The following TRIM37 variants were observed in gnomAD, a reference collection of about 807,000 sequenced individuals.
TRIM37 encodes the protein tripartite motif containing 37.
TRIM37 carries 80 observed loss-of-function variants against 129.8 expected under a neutral mutation model. The ratio of observed to expected loss-of-function variants is 0.62; its 90% CI spans 0.51 to 0.74. TRIM37 has a LOEUF of 0.74. Among genes scored for constraint, TRIM37 ranks in the 30% least tolerant of loss-of-function variants. The probability of loss-of-function intolerance (pLI) is 0.00; values close to 1 mark genes in which losing one functional copy is unlikely to be tolerated. For synonymous variants in TRIM37, 389 were observed against 387.1 expected (o/e 1.00, Z -0.06); for missense variants, 1,054 against 1,176.5 (o/e 0.90, Z 1.52).
the TRIM37 span, among the ~76,000 whole-genome samples, chr17:58,971,356 G>A: frequency 6.6e-6 from 1 of 152,108 alleles, no homozygotes; most frequent in Non-Finnish European, 1.5e-5. Context: ...TGACGCATTG[G>A]TTCTAATTTA....
intron 8 of TRIM37, among the ~76,000 whole-genome samples, chr17:59,073,747 A>T (rs2042581443): frequency 6.6e-6 from 1 of 152,168 alleles, no homozygotes; most frequent in Non-Finnish European, 1.5e-5. Context: ...CTACAGGTGT[A>T]CACCCCATCT....
At chr17:59,062,496 A>G in intron 11 of TRIM37, 71 bp downstream of exon 11, 1 of 1,247,324 alleles carries the variant, frequency 8.0e-7, no homozygotes, top group Non-Finnish European at 1.2e-6. Flanking sequence ...TCAGTAATCA[A>G]ATTAGTATAC....
intron 2 of TRIM37, among the ~76,000 whole-genome samples, chr17:59,096,172 A>T (rs1485127830): frequency 1.3e-5 from 2 of 152,216 alleles, no homozygotes; most frequent in African/African-American, 4.8e-5. Flanking sequence ...TGTATATATT[A>T]ATTATCTAGC....
chr17:59,096,370 G>T (rs1372724649), intron 2 of TRIM37, among the ~76,000 whole-genome samples: 2 of 151,786 alleles, frequency 1.3e-5, no homozygotes, highest in Non-Finnish European at 2.9e-5. Context: ...TGGCCAACAT[G>T]GTGAAACCCC....
intron 22 of TRIM37, among the ~76,000 whole-genome samples, chr17:59,002,266 C>T (rs2033877922): frequency 6.6e-6 from 1 of 152,176 alleles, no homozygotes. Context: ...CAGGGTCTCG[C>T]TCTGTCACCC....
At chr17:59,074,754 C>CA in intron 8 of TRIM37, among the ~76,000 whole-genome samples, 1 of 152,246 alleles carries the variant, frequency 6.6e-6, no homozygotes, top group East Asian at 1.9e-4. Flanking sequence ...AGAGAAATTA[C>CA]AAAAAGCAAA....
intron 16 of TRIM37, among the ~76,000 whole-genome samples, chr17:59,042,766 GAGGACAGGAC>G (rs967645854): frequency 6.6e-6 from 1 of 151,452 alleles, no homozygotes; most frequent in South Asian, 2.1e-4. Flanking sequence ...CTGTCTCAAG[GAGGACAGGAC>G]AGGACAGGAA....
At chr17:59,086,568 T>C (rs1460165750) in intron 4 of TRIM37, among the ~76,000 whole-genome samples, 3 of 152,194 alleles carry the variant, frequency 2.0e-5, no homozygotes, top group East Asian at 3.8e-4. Flanking sequence ...AAGCATTTCA[T>C]TGATGAAGGA....
rs547070820 is a variant in TRIM37 at position 59,104,902 on chromosome 17, G to A, written c.22-508C>T. Among the ~76,000 whole-genome samples the A allele has an allele frequency of 3.9e-5, 6 of 152,120 alleles. No individual in the cohort carries two copies. The East Asian group carries it at 1.2e-3, about 29-fold the overall frequency. On this transcript the variant is annotated intron_variant, in intron 1 of 23. Transcript: ENST00000262294. ...AGGTCGGGAGTTCGAGACCAACCTGGCCAAAATGGTTAAACCCCGTCTCTA... is the reference window on the plus strand; with the variant it reads ...AGGTCGGGAGTTCGAGACCAACCTGACCAAAATGGTTAAACCCCGTCTCTA...
At chr17:59,000,771 A>AC (rs1462502595) in intron 23 of TRIM37, among the ~76,000 whole-genome samples, 1 of 152,212 alleles carries the variant, frequency 6.6e-6, no homozygotes, top group Non-Finnish European at 1.5e-5. Context: ...TTAAAAGGTT[A>AC]AAGTTATCTT....
At chr17:59,092,756 C>T (rs1021442697) in intron 2 of TRIM37, among the ~76,000 whole-genome samples, 34 of 152,112 alleles carry the variant, frequency 2.2e-4, no homozygotes, top group African/African-American at 6.3e-4. Context: ...TGAGCTTTAA[C>T]TTGATGCCAA....
chr17:59,062,173 T>C (rs914110133), intron 11 of TRIM37, among the ~76,000 whole-genome samples: 1 of 152,136 alleles, frequency 6.6e-6, no homozygotes, highest in Admixed American at 6.5e-5. Flanking sequence ...TCACCAAACA[T>C]CTTTAAAGGT....
Position 59,106,724 on chromosome 17 carries a change from G to C in TRIM37, c.-263C>G. On this transcript the variant is annotated 5_prime_UTR_variant, in exon 1 of 24. Transcript: ENST00000262294. ...GCCGCAGCTCCTTTCTCCCGGCTCAGCCGCCGGCCAGCAGCCGCGCCGGAA... is the reference window on the plus strand; with the variant it reads ...GCCGCAGCTCCTTTCTCCCGGCTCACCCGCCGGCCAGCAGCCGCGCCGGAA... 1.7e-6 allele frequency: 1 copy of C among 575,334 alleles called. No homozygotes were observed. The highest frequency in any genetic ancestry group is 2.1e-5 in the South Asian group (1 of 47,794). The allele number at this position is 575,334 out of a possible 1,614,324, so 35.6% of individuals were successfully genotyped here. A position where few individuals can be genotyped will look rare whatever the true frequency, so the allele number is the denominator to read the frequency against.
chr17:59,078,777 C>T (rs2043027382), intron 7 of TRIM37, among the ~76,000 whole-genome samples: 2 of 152,110 alleles, frequency 1.3e-5, no homozygotes, highest in African/African-American at 4.8e-5. Context: ...TGTCTAATTG[C>T]TCCACTGGGT....
At chr17:59,088,554 C>G (rs2043984059) in intron 3 of TRIM37, 147 bp from the exon 4 acceptor site, 1 of 661,716 alleles carries the variant, frequency 1.5e-6, no homozygotes, top group South Asian at 1.8e-5. Context: ...ACTCTATGAC[C>G]CAGGGTGGAA....
At chr17:59,036,572 T>G (rs2038536084) in intron 17 of TRIM37, among the ~76,000 whole-genome samples, 2 of 151,768 alleles carry the variant, frequency 1.3e-5, no homozygotes, top group Non-Finnish European at 2.9e-5. Flanking sequence ...ACCCTCGAAC[T>G]CCTAGGCTCA....
At chr17:58,999,588 G>T in intron 23 of TRIM37, 129 bp from the exon 24 acceptor site, 1 of 759,122 alleles carries the variant, frequency 1.3e-6, no homozygotes, top group Non-Finnish European at 2.0e-6. Flanking sequence ...GCTGGGTTGT[G>T]AACAAATCTC....
chr17:58,972,234 C>G, the TRIM37 span: 1 of 1,614,058 alleles, frequency 6.2e-7, no homozygotes, highest in Non-Finnish European at 8.5e-7. Flanking sequence ...GAGAAAGGGC[C>G]AAGCTGTTGA....
chr17:58,981,349 G>A (rs16943333), downstream of TRIM37: 35,987 of 253,100 alleles, frequency 0.14, 2,919 homozygotes, highest in East Asian at 0.19. Flanking sequence ...GTCACTAGTG[G>A]AAGCTTTCAA....
Sources: gnomAD v4.1 joint callset for allele counts (sites outside exome capture counted in the v4.1 genomes callset) on GRCh38, gnomAD v4.1.1 for gene constraint, MANE v1.5 for transcripts, NCBI Gene and HGNC (gene_info 2026-07-23, HGNC 2026-07-21) for gene names.